GRAMD1B: variants seen among roughly 807,000 people sequenced by gnomAD.
GRAMD1B encodes the protein GRAM domain containing 1B, also known as protein Aster-B.
Under a neutral mutation model 99.7 loss-of-function variants are expected in GRAMD1B, and 37 were observed. The observed-to-expected ratio is 0.37, with a 90% confidence interval of 0.29 to 0.49. GRAMD1B has a LOEUF of 0.49. GRAMD1B is among the 20% of genes least tolerant of loss of function. The pLI, the probability that GRAMD1B is intolerant of heterozygous loss-of-function variation, is 0.98. For synonymous variants in GRAMD1B, 427 were observed against 387.6 expected (o/e 1.10, Z -1.19); for missense variants, 888 against 1,009.2 (o/e 0.88, Z 1.63).
intron 2 of GRAMD1B, 54 bp from the exon 3 acceptor site, chr11:123,577,313 C>A: frequency 7.0e-7 from 1 of 1,429,908 alleles, no homozygotes; most frequent in Admixed American, 2.0e-5. Flanking sequence ...GACTGCCTGC[C>A]TTTCCTCCTC....
At chr11:123,583,353 ATGTGTGTATGTG>A (rs1949655922) in intron 3 of GRAMD1B, among the ~76,000 whole-genome samples, 1 of 139,226 alleles carries the variant, frequency 7.2e-6, no homozygotes. Context: ...GCACGTGTGC[ATGTGTGTATGTG>A]TGTGTGCACG....
intron 1 of GRAMD1B, chr11:123,381,597 G>A (rs1463499464): frequency 2.0e-5 from 3 of 152,444 alleles, no homozygotes; most frequent in Non-Finnish European, 2.9e-5. Context: ...GAACTGGAAG[G>A]GATTCAGAGT....
rs1940915935 is a variant in GRAMD1B at position 123,510,794 on chromosome 11, C to T, written c.452+29901C>T. Among the ~76,000 whole-genome samples, 1 of 152,162 alleles carries T rather than the reference C, an allele frequency of 6.6e-6. No homozygotes were observed. Among genetic ancestry groups the T allele is most frequent in the South Asian group, 2.1e-4 (1 of 4,824 alleles). Reference sequence around the variant, plus strand: ...TTTCTCTCTCCTCCTCTCCCTCAGCCCGCCACTCGTGAGCATCCAGGGGCT... The same window carrying T: ...TTTCTCTCTCCTCCTCTCCCTCAGCTCGCCACTCGTGAGCATCCAGGGGCT... On this transcript the variant is annotated intron_variant, in intron 2 of 19. Coordinates refer to ENST00000635736, the MANE Select transcript of GRAMD1B (RefSeq NM_001387025.1). This position sits in a 1 kb window ranked among gnomAD's most constrained non-coding sequence, Gnocchi z 4.3.
At chr11:123,579,215 G>C (rs989086698) in intron 3 of GRAMD1B, among the ~76,000 whole-genome samples, 8 of 152,212 alleles carry the variant, frequency 5.3e-5, no homozygotes, top group Non-Finnish European at 1.0e-4. Flanking sequence ...GAGGGTGAGC[G>C]ATAGGTGTTG....
At chr11:123,478,264 A>T (rs1001068226) in intron 1 of GRAMD1B, among the ~76,000 whole-genome samples, 7 of 152,056 alleles carry the variant, frequency 4.6e-5, no homozygotes, top group African/African-American at 1.7e-4. Context: ...CTCCGGTCTC[A>T]GCCTCCCAAA....
chr11:123,559,575 TG>T (rs1946483746), intron 2 of GRAMD1B: 1 of 585,722 alleles, frequency 1.7e-6, no homozygotes, highest in South Asian at 7.4e-5. Context: ...AACTTTCCTC[TG>T]GGGGCTGTCT....
At chr11:123,435,388 A>G in intron 1 of GRAMD1B, 1 of 697,844 alleles carries the variant, frequency 1.4e-6, no homozygotes, top group East Asian at 2.7e-5. Flanking sequence ...TATTTGTTTC[A>G]TTATTTGTTT....
chr11:123,440,503 C>T (rs138574514), intron 1 of GRAMD1B, among the ~76,000 whole-genome samples: 2,646 of 151,708 alleles, frequency 0.017, 45 homozygotes, highest in Middle Eastern at 0.024. Flanking sequence ...AGTGAGACTC[C>T]GTCTCAAAAG....
chr11:123,390,465 A>G (rs1947237639), intron 1 of GRAMD1B, among the ~76,000 whole-genome samples: 1 of 152,236 alleles, frequency 6.6e-6, no homozygotes, highest in Non-Finnish European at 1.5e-5. Context: ...ATCTATCTCT[A>G]GAAATGGATA....
At chr11:123,533,261 G>A (rs1180333910) in intron 2 of GRAMD1B, among the ~76,000 whole-genome samples, 6 of 152,044 alleles carry the variant, frequency 3.9e-5, no homozygotes, top group Admixed American at 6.5e-5. Context: ...GTGAGCCACC[G>A]CGCCTGGCCT....
chr11:123,547,578 CA>C (rs996798389), intron 2 of GRAMD1B, among the ~76,000 whole-genome samples: 2 of 151,746 alleles, frequency 1.3e-5, no homozygotes, highest in African/African-American at 4.8e-5. Flanking sequence ...TCTGGAGGAA[CA>C]AAAAAAAGAC....
In GRAMD1B at chr11:123,430,390, G is replaced by C. The variant is rs1337287631; in HGVS notation, c.-403G>C. The stretch of plus-strand genomic sequence containing the variant: ...GTCTGCTGAACGCAAACCGCTGAGA[G>C]TTTGCTGCACCGCCCCCTGGGGCCC... On this transcript the variant is annotated 5_prime_UTR_variant, in exon 1 of 20. Coordinates refer to ENST00000635736, the MANE Select transcript of GRAMD1B (RefSeq NM_001387025.1). The C allele has an allele frequency of 4.9e-6, 1 of 202,814 alleles. No individual in the cohort carries two copies. Among genetic ancestry groups the C allele is most frequent in the African/African-American group, 2.3e-5 (1 of 42,820 alleles). The allele number at this position is 202,814 out of a possible 1,614,324, so 12.6% of individuals were successfully genotyped here.
At chr11:123,398,853 A>T (rs563270996) in intron 1 of GRAMD1B, among the ~76,000 whole-genome samples, 2 of 152,354 alleles carry the variant, frequency 1.3e-5, no homozygotes, top group Non-Finnish European at 1.5e-5. Context: ...TGAAATCATC[A>T]TCACAACCTG....
At chr11:123,494,944 C>T (rs1001068466) in intron 2 of GRAMD1B, among the ~76,000 whole-genome samples, 1 of 152,166 alleles carries the variant, frequency 6.6e-6, no homozygotes. Context: ...GCTGGGTTCT[C>T]TTTTCAATCA....
intron 1 of GRAMD1B, among the ~76,000 whole-genome samples, chr11:123,469,784 C>CTTCTTTCTTTCTCTTTCT (rs1324570776): frequency 1.4e-4 from 13 of 91,416 alleles, no homozygotes; most frequent in Admixed American, 3.1e-4. Flanking sequence ...TCTTTCCTTC[C>CTTCTTTCTTTCTCTTTCT]TTCCTTCCTT....
intron 2 of GRAMD1B, among the ~76,000 whole-genome samples, chr11:123,535,368 T>A (rs1447555376): frequency 6.6e-6 from 1 of 151,704 alleles, no homozygotes; most frequent in African/African-American, 2.4e-5. Flanking sequence ...CAAGACCATA[T>A]AATAAATGGC....
chr11:123,516,589 G>A (rs1036228162), intron 2 of GRAMD1B, among the ~76,000 whole-genome samples: 2 of 152,038 alleles, frequency 1.3e-5, no homozygotes, highest in African/African-American at 4.8e-5. Context: ...TTTGTGTTAA[G>A]ACCAGACTAA....
intron 1 of GRAMD1B, among the ~76,000 whole-genome samples, chr11:123,411,232 C>A (rs1191606323): frequency 6.6e-6 from 1 of 152,036 alleles, no homozygotes; most frequent in Non-Finnish European, 1.5e-5. Context: ...TCTCGATCTC[C>A]TGATCTCGTG....
intron 2 of GRAMD1B, among the ~76,000 whole-genome samples, chr11:123,535,074 G>A (rs1449589283): frequency 1.3e-5 from 2 of 152,122 alleles, no homozygotes; most frequent in Non-Finnish European, 2.9e-5. Context: ...GGGCTGGCTA[G>A]ACTCAGTGGG....
Sources: allele counts gnomAD v4.1 joint callset (sites outside exome capture counted in the v4.1 genomes callset), GRCh38; gene constraint gnomAD v4.1.1; non-coding constraint Gnocchi (gnomAD v3.1); transcripts MANE v1.5; gene names NCBI Gene and HGNC (gene_info 2026-07-23, HGNC 2026-07-21).